The following MYO5A variants were observed in gnomAD, a reference collection of about 807,000 sequenced individuals.
MYO5A encodes unconventional myosin-Va.
A neutral mutation model predicts 249.7 loss-of-function variants in MYO5A; 98 were observed. The ratio of observed to expected loss-of-function variants is 0.39; its 90% confidence interval spans 0.33 to 0.46. The LOEUF (loss-of-function observed/expected upper bound fraction) is 0.46. Ranked by LOEUF, MYO5A falls within the 20% of genes least tolerant of loss-of-function variation. The pLI, the probability that MYO5A is intolerant of heterozygous loss-of-function variation, is 0.98. For missense variants in MYO5A, 1,696 were observed against 2,308.8 expected (o/e 0.73, Z 5.44); for synonymous variants, 778 against 810.6 (o/e 0.96, Z 0.68).
At chr15:52,355,473 A>G (rs2141031795) in intron 25 of MYO5A, among the ~76,000 whole-genome samples, 1 of 152,360 alleles carries the variant, frequency 6.6e-6, no homozygotes, top group African/African-American at 2.4e-5. Flanking sequence ...CCCCACTAAG[A>G]AGAGACTGCT....
chr15:52,510,383 T>C lies in MYO5A; in HGVS notation c.27+18397A>G, dbSNP rs570493798. On this transcript the variant is annotated intron_variant, in intron 1 of 41. Coordinates refer to ENST00000399233, the MANE Select transcript of MYO5A (RefSeq NM_001382347.1). ...TTATCTTAGAAAATCCTCTTAAACA[T>C]AGCCAACAGATAAATCAAATAAGAA... is the stretch of plus-strand genomic sequence containing the variant. 2.0e-5 allele frequency among the ~76,000 whole-genome samples: 3 copies of C among 152,226 alleles called. No individual in the cohort carries two copies. The East Asian group carries it at 5.8e-4, about 30-fold the overall frequency.
chr15:52,501,845 TAC>T (rs1166403955), intron 1 of MYO5A, among the ~76,000 whole-genome samples: 2 of 144,702 alleles, frequency 1.4e-5, no homozygotes, highest in African/African-American at 2.6e-5. Context: ...AACATAGGCA[TAC>T]ACACAGACAC....
rs377547640 is a variant in MYO5A at position 52,450,315 on chromosome 15, A to G, written c.28-17030T>C. Among the ~76,000 whole-genome samples the G allele has an allele frequency of 8.6e-4, 131 of 152,188 alleles. 1 individual carries two copies. The highest frequency in any genetic ancestry group is 3.0e-3 in the African/African-American group (126 of 41,514). ...TGAAGTACTCAGAACAGTGCTTAGT[A>G]CGTAGAAGGCAGTTGATATGTGACC... is the stretch of plus-strand genomic sequence containing the variant. On this transcript the variant is annotated intron_variant, in intron 1 of 41. Coordinates refer to ENST00000399233, the MANE Select transcript of MYO5A (RefSeq NM_001382347.1).
rs756727033 is a variant in MYO5A, at chr15:52,317,190, C to G, written c.5267G>C (p.Arg1756Pro). The G allele has an allele frequency of 6.2e-7, 1 of 1,613,906 alleles. No homozygotes were observed. Among genetic ancestry groups the G allele is most frequent in the Non-Finnish European group, 8.5e-7 (1 of 1,179,988 alleles). The change falls in exon 40 of 42, where the codon CGT becomes CCT. Residue 1756 changes from arginine (R) to proline (P), a missense_variant. Coordinates refer to ENST00000399233, the MANE Select transcript of MYO5A (RefSeq NM_001382347.1). ...YNVSQLEEWL[R>P]DKNLMNSGAK... ...CCCACTATTCATCAGATTCTTGTCA[C>G]GCAGCCATTCTTCCAGTTGACTGAC...
intron 20 of MYO5A, among the ~76,000 whole-genome samples, chr15:52,373,895 T>A (rs2041261928): frequency 6.6e-6 from 1 of 152,094 alleles, no homozygotes; most frequent in African/African-American, 2.4e-5. Context: ...AGCTATTAAA[T>A]ACACTCATTC....
intron 34 of MYO5A, among the ~76,000 whole-genome samples, chr15:52,335,391 C>T (rs1438031974): frequency 2.0e-5 from 3 of 151,804 alleles, no homozygotes; most frequent in Non-Finnish European, 4.4e-5. Context: ...TGGCATGCAC[C>T]TGTAATCCCA....
chr15:52,520,460 C>G (rs556024791), intron 1 of MYO5A, among the ~76,000 whole-genome samples: 2 of 152,192 alleles, frequency 1.3e-5, no homozygotes, highest in Non-Finnish European at 2.9e-5. Context: ...GCAGGTGCCA[C>G]TGACCATCTT....
intron 13 of MYO5A, 97 bp from the exon 14 acceptor site, chr15:52,388,009 G>A (rs1401173104): frequency 3.4e-5 from 31 of 910,468 alleles, no homozygotes; most frequent in South Asian, 2.7e-4. Context: ...CAGGCTATAC[G>A]ATCAACTCTC....
chr15:52,438,386 T>G (rs1003343315), intron 1 of MYO5A, among the ~76,000 whole-genome samples: 8 of 152,132 alleles, frequency 5.3e-5, no homozygotes, highest in Admixed American at 4.6e-4. Context: ...GCCTACTTAG[T>G]CTGCAGAAGG....
At chr15:52,525,615 T>A (rs901620473) in intron 1 of MYO5A, among the ~76,000 whole-genome samples, 2 of 152,248 alleles carry the variant, frequency 1.3e-5, no homozygotes, top group African/African-American at 2.4e-5. Flanking sequence ...ATACCATAAT[T>A]ATGGCATATC....
At chr15:52,347,562 A>G (rs2039703748) in intron 29 of MYO5A, among the ~76,000 whole-genome samples, 1 of 152,164 alleles carries the variant, frequency 6.6e-6, no homozygotes, top group Admixed American at 6.5e-5. Flanking sequence ...CATGATCTTA[A>G]AGACAAGTTC....
chr15:52,427,911 T>C (rs1410625020), intron 3 of MYO5A, among the ~76,000 whole-genome samples: 1 of 152,102 alleles, frequency 6.6e-6, no homozygotes, highest in African/African-American at 2.4e-5. Context: ...AAAAGCACCA[T>C]GAGCTGGGTG....
intron 39 of MYO5A, among the ~76,000 whole-genome samples, 182 bp downstream of exon 39, chr15:52,318,878 G>A (rs868564677): frequency 6.6e-6 from 1 of 152,220 alleles, no homozygotes; most frequent in African/African-American, 2.4e-5. Context: ...GCAATAATGA[G>A]ATGTGGTGAA....
chr15:52,407,441 G>T (rs760689908), intron 7 of MYO5A, 42 bp from the exon 8 acceptor site: 14 of 1,460,500 alleles, frequency 9.6e-6, no homozygotes, highest in Non-Finnish European at 1.3e-5. Flanking sequence ...TTATGAAAAA[G>T]CCTTGCCTTC....
At chr15:52,478,190 T>G (rs372457033) in intron 1 of MYO5A, among the ~76,000 whole-genome samples, 2 of 152,340 alleles carry the variant, frequency 1.3e-5, no homozygotes, top group East Asian at 3.9e-4. Flanking sequence ...CAAGGCTCTA[T>G]GGGTGTGGGA....
rs2077251400 is a variant in MYO5A at position 52,505,570 on chromosome 15, T to C, written c.27+23210A>G. The C allele has an allele frequency of 8.3e-6, 13 of 1,570,604 alleles. 1 individual carries two copies. In the South Asian group the frequency reaches 1.1e-4, roughly 13 times the overall value. ...GGAAGAACGTCTTGCACAATATGAA[T>C]CAAAGAAAGCCAAAAAACCTGCACT... is the stretch of plus-strand genomic sequence containing the variant. On this transcript the variant is annotated intron_variant, in intron 1 of 41. Coordinates refer to ENST00000399233, the MANE Select transcript of MYO5A (RefSeq NM_001382347.1).
rs188063081 is a variant in MYO5A at position 52,372,460 on chromosome 15, G to A, written c.2578-97C>T. On this transcript the variant is annotated intron_variant, in intron 20 of 41. Coordinates refer to ENST00000399233, the MANE Select transcript of MYO5A (RefSeq NM_001382347.1). ...CTGAAAATCCACACATTACCTAGAG[G>A]AAAAGACATAAAAGTTGAATTGACA... is the stretch of plus-strand genomic sequence containing the variant. The A allele has an allele frequency of 3.4e-4, 509 of 1,501,314 alleles. No homozygotes were observed. In the African/African-American group the frequency reaches 6.5e-3, roughly 19 times the overall value. The allele number at this position is 1,501,314 out of a possible 1,614,324, so 93.0% of individuals were successfully genotyped here.
At chr15:52,316,151 G>A (rs939083480) in intron 40 of MYO5A, among the ~76,000 whole-genome samples, 4 of 147,946 alleles carry the variant, frequency 2.7e-5, no homozygotes, top group African/African-American at 5.0e-5. Flanking sequence ...GGAGAATGGC[G>A]TGAACCTGGG....
rs1268905292 is a variant in MYO5A at position 52,311,712 on chromosome 15, GACTT to G, written c.*1980_*1983del. 1 of 152,268 alleles carries G rather than the reference GACTT, an allele frequency of 6.6e-6. No individual in the cohort carries two copies. The highest frequency in any genetic ancestry group is 1.5e-5 in the Non-Finnish European group (1 of 68,030). 9.4% of individuals were successfully genotyped at this position (152,268 alleles called of 1,614,324 possible). On this transcript the variant is annotated 3_prime_UTR_variant, in exon 42 of 42. Coordinates refer to ENST00000399233, the MANE Select transcript of MYO5A (RefSeq NM_001382347.1). ...ACACTGGTCTTTCCATCAGAGAATG[GACTT>G]ACTGAGTAACTGCAGCTTTTTCTCT...
Sources: allele counts gnomAD v4.1 joint callset (sites outside exome capture counted in the v4.1 genomes callset), GRCh38; gene constraint gnomAD v4.1.1; transcripts MANE v1.5; gene names NCBI Gene and HGNC (gene_info 2026-07-23, HGNC 2026-07-21).